Variants in CNTNAP2 observed in about 807,000 individuals in gnomAD.
The protein encoded by CNTNAP2 is contactin associated protein 2.
CNTNAP2 carries 98 observed loss-of-function variants against 155.2 expected under a neutral mutation model. The observed-to-expected ratio is 0.63, with a 90% confidence interval of 0.54 to 0.75. The LOEUF (loss-of-function observed/expected upper bound fraction) is 0.75, where lower values mean the gene tolerates loss of function less well. Ranked by LOEUF, CNTNAP2 falls within the 30% of genes least tolerant of loss-of-function variation. CNTNAP2 has a pLI of 0.00. For synonymous variants in CNTNAP2, 651 were observed against 631.2 expected (o/e 1.03, Z -0.47); for missense variants, 1,727 against 1,688.1 (o/e 1.02, Z -0.40).
intron 8 of CNTNAP2, among the ~76,000 whole-genome samples, chr7:147,247,969 G>C (rs1178827683): frequency 1.3e-5 from 2 of 152,106 alleles, no homozygotes; most frequent in South Asian, 2.1e-4. Flanking sequence ...GGATGATAAA[G>C]AGGAGGCCAG....
intron 20 of CNTNAP2, among the ~76,000 whole-genome samples, chr7:148,258,801 T>G (rs181072022): frequency 1.3e-5 from 2 of 151,854 alleles, no homozygotes; most frequent in Admixed American, 1.3e-4. Context: ...GAGGTTGAGG[T>G]GGGAGGATCA....
At chr7:147,945,689 T>TTATATATATATATATATATATATA (rs10557677) in intron 14 of CNTNAP2, among the ~76,000 whole-genome samples, 1 of 148,246 alleles carries the variant, frequency 6.7e-6, no homozygotes, top group East Asian at 2.0e-4. Flanking sequence ...ACAAAAGCCT[T>TTATATATATATATATATATATATA]TATATATATA....
chr7:146,302,886 C>T (rs1409156014), intron 1 of CNTNAP2, among the ~76,000 whole-genome samples: 4 of 152,090 alleles, frequency 2.6e-5, no homozygotes, highest in African/African-American at 9.7e-5. Flanking sequence ...AAAGTTATCC[C>T]CATAAAAATA....
intron 12 of CNTNAP2, among the ~76,000 whole-genome samples, chr7:147,574,787 T>C (rs1365113062): frequency 2.6e-5 from 4 of 152,120 alleles, no homozygotes; most frequent in Non-Finnish European, 4.4e-5. Flanking sequence ...TACTTGGTTC[T>C]TCTCAATGCA....
rs1554425334 is a variant in CNTNAP2 at position 148,366,229 on chromosome 7, G to GGTGTATATGTGTATGCATGTATATAT, written c.3476-17415_3476-17390dup. 6.5e-4 allele frequency among the ~76,000 whole-genome samples: 39 copies of GGTGTATATGTGTATGCATGTATATAT among 60,140 alleles called. 9 individuals carry two copies. The highest frequency in any genetic ancestry group is 2.9e-3 in the East Asian group (2 of 680). The allele number at this position is 60,140 out of a possible 152,430, so 39.5% of individuals were successfully genotyped here. A position where few individuals can be genotyped will look rare whatever the true frequency, so the allele number is the denominator to read the frequency against. ...GTGTACATGTGTATGCATGTATATA[G>GGTGTATATGTGTATGCATGTATATAT]GTGTATATGTGTATGCATGTATATA... On this transcript the variant is annotated intron_variant, in intron 21 of 23. Transcript: ENST00000361727.
At chr7:147,645,994 T>A (rs1018829453) in intron 13 of CNTNAP2, among the ~76,000 whole-genome samples, 1 of 152,178 alleles carries the variant, frequency 6.6e-6, no homozygotes, top group African/African-American at 2.4e-5. Flanking sequence ...ACAGAATGAT[T>A]TCAAGTAGGG....
intron 2 of CNTNAP2, among the ~76,000 whole-genome samples, chr7:146,788,375 A>T (rs1318952902): frequency 2.0e-5 from 3 of 152,240 alleles, no homozygotes; most frequent in Non-Finnish European, 2.9e-5. Flanking sequence ...TACTAGAGTC[A>T]TAGGGATTGC....
At chr7:147,503,521 C>T (rs1798855255) in intron 11 of CNTNAP2, among the ~76,000 whole-genome samples, 1 of 152,132 alleles carries the variant, frequency 6.6e-6, no homozygotes, top group Admixed American at 6.5e-5. Context: ...GTCCCCTGTG[C>T]TTTCCCAGCT....
chr7:147,252,388 T>A (rs1251357879), intron 8 of CNTNAP2, among the ~76,000 whole-genome samples: 1 of 152,170 alleles, frequency 6.6e-6, no homozygotes, highest in South Asian at 2.1e-4. Context: ...GTGAATTACA[T>A]CTTGCAAAAA....
At chr7:147,541,432 T>A (rs1328382814) in intron 11 of CNTNAP2, among the ~76,000 whole-genome samples, 1 of 152,118 alleles carries the variant, frequency 6.6e-6, no homozygotes, top group Non-Finnish European at 1.5e-5. Context: ...ATATGACACA[T>A]AGGAAGAGCT....
intron 4 of CNTNAP2, among the ~76,000 whole-genome samples, chr7:147,070,342 G>A (rs1387623987): frequency 6.6e-6 from 1 of 152,210 alleles, no homozygotes; most frequent in South Asian, 2.1e-4. Flanking sequence ...AAAGCACATT[G>A]CCTGTCGGGG....
Position 146,903,129 on chromosome 7 carries a change from G to A in CNTNAP2, c.402+63225G>A, listed in dbSNP as rs1261457456. Among the ~76,000 whole-genome samples the A allele has an allele frequency of 2.0e-5, 3 of 152,156 alleles. No homozygotes were observed. In the South Asian group the frequency reaches 6.2e-4, roughly 32 times the overall value. On this transcript the variant is annotated intron_variant, in intron 3 of 23. Coordinates refer to ENST00000361727, the MANE Select transcript of CNTNAP2 (RefSeq NM_014141.6). The stretch of plus-strand genomic sequence containing the variant: ...ATCTATGGGCTTGTACCATTAAACA[G>A]GGTATTGTTCAGTTCAGGTAATGCC...
intron 20 of CNTNAP2, among the ~76,000 whole-genome samples, chr7:148,241,927 T>C (rs1456744795): frequency 6.6e-6 from 1 of 152,226 alleles, no homozygotes; most frequent in Non-Finnish European, 1.5e-5. Flanking sequence ...TGCAGCTCAG[T>C]GGGAAGGCAG....
intron 13 of CNTNAP2, among the ~76,000 whole-genome samples, chr7:147,863,785 T>TC (rs71183031): frequency 1.3e-5 from 2 of 151,880 alleles, no homozygotes; most frequent in South Asian, 2.1e-4. Flanking sequence ...TTGTTTTTTT[T>TC]CTTGTAAATT....
At chr7:148,408,086 A>G (rs985476611) in intron 22 of CNTNAP2, among the ~76,000 whole-genome samples, 2 of 152,110 alleles carry the variant, frequency 1.3e-5, no homozygotes, top group Non-Finnish European at 2.9e-5. Context: ...CTCTACTAAA[A>G]ATACAAAAAT....
intron 13 of CNTNAP2, among the ~76,000 whole-genome samples, chr7:147,821,489 TAAAA>T (rs1050781352): frequency 1.3e-5 from 2 of 151,896 alleles, no homozygotes; most frequent in African/African-American, 4.8e-5. Context: ...CATAAACAAA[TAAAA>T]AAGATATTTT....
chr7:147,915,828 A>AT (rs1200423595), intron 14 of CNTNAP2, among the ~76,000 whole-genome samples: 1 of 152,140 alleles, frequency 6.6e-6, no homozygotes, highest in Non-Finnish European at 1.5e-5. Flanking sequence ...GTGTTTCAGT[A>AT]TTAGAGCATG....
chr7:147,653,105 A>G (rs1408388237), intron 13 of CNTNAP2, among the ~76,000 whole-genome samples: 1 of 152,230 alleles, frequency 6.6e-6, no homozygotes, highest in African/African-American at 2.4e-5. Flanking sequence ...AGAGCATTTG[A>G]CTTTCATGTT....
At chr7:147,264,390 C>G (rs907276912) in intron 8 of CNTNAP2, among the ~76,000 whole-genome samples, 3 of 151,886 alleles carry the variant, frequency 2.0e-5, no homozygotes, top group African/African-American at 7.2e-5. Context: ...TTTAGACCCT[C>G]CTCTGTGAAA....
Sources: allele counts gnomAD v4.1 joint callset (sites outside exome capture counted in the v4.1 genomes callset), GRCh38; gene constraint gnomAD v4.1.1; transcripts MANE v1.5; gene names NCBI Gene and HGNC (gene_info 2026-07-23, HGNC 2026-07-21).